KCNE1: variants seen among roughly 807,000 people sequenced by gnomAD.
KCNE1 encodes potassium voltage-gated channel subfamily E member 1.
In KCNE1, 1 loss-of-function variant was observed where a neutral mutation model predicts 2.9. The observed-to-expected ratio is 0.34, with a 90% CI of 0.12 to 1.62. KCNE1 has a LOEUF of 1.62. KCNE1 is among the 40% of genes most tolerant of loss of function. The pLI is 0.36. For missense variants in KCNE1, 45 were observed against 150.5 expected, an observed-to-expected ratio of 0.30 and a Z score of 3.67; for synonymous variants, 23 against 65.4, an observed-to-expected ratio of 0.35 and a Z score of 3.13.
intron 2 of KCNE1, among the ~76,000 whole-genome samples, chr21:34,497,976 T>C (rs574212006): frequency 3.3e-5 from 5 of 152,282 alleles, no homozygotes; most frequent in African/African-American, 1.2e-4. Flanking sequence ...TAATCTATTG[T>C]TGACACTTTC....
chr21:34,502,530 C>T (rs779114826), intron 2 of KCNE1, among the ~76,000 whole-genome samples: 23 of 152,296 alleles, frequency 1.5e-4, no homozygotes, highest in African/African-American at 2.4e-4. Flanking sequence ...TGTGGACTTA[C>T]GTTAGAGCCC....
intron 3 of KCNE1, among the ~76,000 whole-genome samples, chr21:34,450,348 A>C (rs1037870608): frequency 1.7e-5 from 1 of 60,516 alleles, no homozygotes; most frequent in Admixed American, 1.5e-4. Context: ...ACCACAGAGC[A>C]TCTCTCTATG....
chr21:34,500,819 CT>C (rs1305389388), intron 2 of KCNE1, among the ~76,000 whole-genome samples: 14 of 152,072 alleles, frequency 9.2e-5, no homozygotes, highest in African/African-American at 3.4e-4. Context: ...TTTTATTCTT[CT>C]TTCTTATGGC....
intron 2 of KCNE1, 52 bp downstream of exon 2, chr21:34,511,049 G>A (rs1005578378): frequency 8.8e-6 from 6 of 683,568 alleles, no homozygotes; most frequent in Non-Finnish European, 9.0e-6. Context: ...ATGAGGGTGG[G>A]AGCAGAGGGT....
Position 34,500,951 on chromosome 21 carries a change from C to T in KCNE1, c.-162+10150G>A, listed in dbSNP as rs113600841. ...GATATTTGGTTAGTTGCCTCAACTGCATGCCAACTTCTGCTTTGGAGTGGA... is the reference window on the plus strand; with the variant it reads ...GATATTTGGTTAGTTGCCTCAACTGTATGCCAACTTCTGCTTTGGAGTGGA... On this transcript the variant is annotated intron_variant, in intron 2 of 3. Transcript: ENST00000399286. Among the ~76,000 whole-genome samples the T allele has an allele frequency of 7.8e-3, 1,195 of 152,312 alleles. 19 individuals carry two copies. The highest frequency in any genetic ancestry group is 0.027 in the African/African-American group (1,128 of 41,548).
chr21:34,495,988 T>C (rs1982782621), intron 2 of KCNE1, among the ~76,000 whole-genome samples: 5 of 152,330 alleles, frequency 3.3e-5, no homozygotes, highest in Admixed American at 6.5e-5. Context: ...CTATTTGTGC[T>C]CTTTCAGACA....
chr21:34,511,065 A>T (rs1315491805), intron 2 of KCNE1, 36 bp downstream of exon 2: 1 of 864,700 alleles, frequency 1.2e-6, no homozygotes, highest in Non-Finnish European at 1.4e-6. Flanking sequence ...AGGGTGCCTA[A>T]CTGAGGAAAG....
chr21:34,507,918 C>G (rs151016230), intron 2 of KCNE1, among the ~76,000 whole-genome samples: 349 of 152,264 alleles, frequency 2.3e-3, no homozygotes, highest in Non-Finnish European at 4.2e-3. Context: ...TACCTTAGTT[C>G]TAGGTTAGCT....
chr21:34,503,286 T>C (rs538380999), intron 2 of KCNE1, among the ~76,000 whole-genome samples: 1 of 152,240 alleles, frequency 6.6e-6, no homozygotes, highest in South Asian at 2.1e-4. Flanking sequence ...ATAAGGGACA[T>C]TACAAAGGGT....
intron 2 of KCNE1, among the ~76,000 whole-genome samples, chr21:34,499,605 C>T (rs1164514562): frequency 6.6e-6 from 1 of 152,220 alleles, no homozygotes; most frequent in East Asian, 1.9e-4. Context: ...CAAGGCTCTT[C>T]CCACTGCTGC....
chr21:34,507,774 G>A (rs727957), intron 2 of KCNE1, among the ~76,000 whole-genome samples: 1 of 152,096 alleles, frequency 6.6e-6, no homozygotes, highest in Non-Finnish European at 1.5e-5. Flanking sequence ...ACCGTGGCAT[G>A]CTTCTGCAAA....
At chr21:34,499,403 G>A (rs1293351363) in intron 2 of KCNE1, among the ~76,000 whole-genome samples, 2 of 152,184 alleles carry the variant, frequency 1.3e-5, no homozygotes, top group Non-Finnish European at 2.9e-5. Context: ...CCTATCTGTA[G>A]CAGTTCCCTT....
chr21:34,509,158 A>C (rs1198802152), intron 2 of KCNE1, among the ~76,000 whole-genome samples: 1 of 152,260 alleles, frequency 6.6e-6, no homozygotes, highest in Non-Finnish European at 1.5e-5. Context: ...TCAAGGTGAC[A>C]GCCAGAGCTG....
At chr21:34,506,150 G>C (rs1983473590) in intron 2 of KCNE1, among the ~76,000 whole-genome samples, 1 of 152,192 alleles carries the variant, frequency 6.6e-6, no homozygotes. Flanking sequence ...TGTGGCTATA[G>C]CCATATTGCA....
In KCNE1 at chr21:34,499,374, T is replaced by C. The variant is rs149089242; in HGVS notation, c.-162+11727A>G. On this transcript the variant is annotated intron_variant, in intron 2 of 3. Transcript: ENST00000399286. ...TGCCCTTCCCTGTCTGCCCATCCTGTTGGCCACAGCTTTGCACTCCTATCT... is the reference window on the plus strand; with the variant it reads ...TGCCCTTCCCTGTCTGCCCATCCTGCTGGCCACAGCTTTGCACTCCTATCT... Among the ~76,000 whole-genome samples the C allele has an allele frequency of 4.3e-4, 66 of 152,368 alleles. No homozygotes were observed. The Middle Eastern group carries it at 0.01, about 24-fold the overall frequency.
intron 2 of KCNE1, among the ~76,000 whole-genome samples, chr21:34,504,130 A>C (rs1302210849): frequency 6.6e-6 from 1 of 152,230 alleles, no homozygotes; most frequent in Non-Finnish European, 1.5e-5. Flanking sequence ...ATCAATGGGC[A>C]CAGGGCCTTC....
chr21:34,511,236 C>G lies in KCNE1; in HGVS notation c.-297G>C. 1.0e-6 allele frequency: 1 copy of G among 985,570 alleles called. No homozygotes were observed. The highest frequency in any genetic ancestry group is 1.2e-6 in the Non-Finnish European group (1 of 830,032). The allele number at this position is 985,570 out of a possible 1,614,324, so 61.1% of individuals were successfully genotyped here. A position where few individuals can be genotyped will look rare whatever the true frequency, so the allele number is the denominator to read the frequency against. On this transcript the variant is annotated 5_prime_UTR_variant, in exon 2 of 4. Coordinates refer to ENST00000399286, the MANE Select transcript of KCNE1 (RefSeq NM_000219.6). ...CCTTCTGGTCTCTTCCTCCTGAGCA[C>G]GGTTCTCCTGGTTGAGCTCCAGGCC...
intron 2 of KCNE1, among the ~76,000 whole-genome samples, chr21:34,499,150 C>T (rs1405001343): frequency 6.6e-6 from 1 of 152,168 alleles, no homozygotes; most frequent in Non-Finnish European, 1.5e-5. Flanking sequence ...GCGTCTGTTG[C>T]ATTATATAGG....
At chr21:34,509,197 A>C (rs1175664106) in intron 2 of KCNE1, among the ~76,000 whole-genome samples, 1 of 152,220 alleles carries the variant, frequency 6.6e-6, no homozygotes, top group African/African-American at 2.4e-5. Flanking sequence ...TGCAGAACTC[A>C]CCAGAGCACA....
Sources: allele counts gnomAD v4.1 joint callset (sites outside exome capture counted in the v4.1 genomes callset), GRCh38; gene constraint gnomAD v4.1.1; transcripts MANE v1.5; gene names NCBI Gene and HGNC (gene_info 2026-07-23, HGNC 2026-07-21).